The following PTPRA variants were observed in gnomAD, a reference collection of about 807,000 sequenced individuals.
PTPRA encodes protein tyrosine phosphatase receptor type A.
PTPRA carries 25 observed loss-of-function variants against 104.8 expected under a neutral mutation model. The observed-to-expected ratio is 0.24, with a 90% CI of 0.17 to 0.33. PTPRA has a LOEUF of 0.33. Among genes scored for constraint, PTPRA ranks in the 10% least tolerant of loss-of-function variants. PTPRA has a pLI of 1.00. For missense variants in PTPRA, 765 were observed against 1,015.3 expected, an observed-to-expected ratio of 0.75 and a Z score of 3.35; for synonymous variants, 323 against 368.9, an observed-to-expected ratio of 0.88 and a Z score of 1.43.
chr20:2,972,324 C>T lies in PTPRA; in HGVS notation c.416-2891C>T, dbSNP rs539212306. ...AGACTTAAGCAAACCCCACCTCAGA[C>T]TTCTGAGTAGCTAAGGACTATAGGC... is the stretch of plus-strand genomic sequence containing the variant. On this transcript the variant is annotated intron_variant, in intron 5 of 23. Transcript: ENST00000399903. Among the ~76,000 whole-genome samples the T allele has an allele frequency of 2.7e-3, 415 of 152,274 alleles. 2 individuals carry two copies. Among genetic ancestry groups the T allele is most frequent in the African/African-American group, 9.4e-3 (391 of 41,558 alleles).
intron 2 of PTPRA, among the ~76,000 whole-genome samples, chr20:2,941,705 C>T (rs1481772071): frequency 1.3e-5 from 2 of 152,188 alleles, no homozygotes; most frequent in African/African-American, 2.4e-5. Flanking sequence ...ACCTGCTCCC[C>T]CTTACTCTTT....
chr20:3,021,147 A>G (rs1279896679), intron 13 of PTPRA, among the ~76,000 whole-genome samples, 162 bp from the exon 14 acceptor site: 1 of 152,264 alleles, frequency 6.6e-6, no homozygotes, highest in Non-Finnish European at 1.5e-5. Flanking sequence ...GAAAAGGGCA[A>G]ATTTGAATAA....
chr20:2,989,069 T>C (rs2063029574), intron 9 of PTPRA, among the ~76,000 whole-genome samples: 1 of 152,200 alleles, frequency 6.6e-6, no homozygotes, highest in Non-Finnish European at 1.5e-5. Flanking sequence ...TTTTTATAAT[T>C]CCCACAAGGA....
chr20:2,872,157 G>A (rs1313781084), upstream of PTPRA, among the ~76,000 whole-genome samples: 2 of 151,884 alleles, frequency 1.3e-5, no homozygotes, highest in East Asian at 4.0e-4. The surrounding 1 kb of genome is among the most constrained non-coding windows in gnomAD (Gnocchi z 7.9). Context: ...GGAGGAGTGG[G>A]GCACAGAGTC....
intron 9 of PTPRA, among the ~76,000 whole-genome samples, chr20:3,002,438 T>C (rs777395828): frequency 5.3e-5 from 8 of 150,912 alleles, no homozygotes; most frequent in Non-Finnish European, 1.2e-4. Flanking sequence ...GCAGTTCTCC[T>C]ACCTCAGCCT....
chr20:2,866,872 T>C, the PTPRA span: 2 of 384,290 alleles, frequency 5.2e-6, no homozygotes, highest in Non-Finnish European at 9.5e-6. Context: ...GCAAGAAACG[T>C]GTCCTCTCCA....
intron 6 of PTPRA, among the ~76,000 whole-genome samples, chr20:2,984,979 G>C (rs933731515): frequency 3.9e-5 from 6 of 152,114 alleles, no homozygotes; most frequent in Non-Finnish European, 7.4e-5. Context: ...ACTTGTCCCT[G>C]TCTAAAATTA....
chr20:3,034,233 T>C (rs960785142), intron 20 of PTPRA, among the ~76,000 whole-genome samples: 1 of 152,040 alleles, frequency 6.6e-6, no homozygotes, highest in Admixed American at 6.6e-5. Context: ...ATCATGCCAC[T>C]GCACTCCAGC....
At chr20:2,900,625 G>GACT (rs1176928929) in intron 1 of PTPRA, among the ~76,000 whole-genome samples, 2 of 152,076 alleles carry the variant, frequency 1.3e-5, no homozygotes, top group African/African-American at 2.4e-5. Context: ...GGAGGCCGGG[G>GACT]CGGGTGGATC....
intron 5 of PTPRA, among the ~76,000 whole-genome samples, chr20:2,970,805 C>CGTGT (rs10616041): frequency 1.8e-4 from 27 of 149,722 alleles, no homozygotes; most frequent in South Asian, 2.1e-4. Flanking sequence ...TCTATGGTTT[C>CGTGT]GTGTGTGTGT....
chr20:2,980,280 A>C (rs988121636), intron 6 of PTPRA, among the ~76,000 whole-genome samples: 1 of 151,782 alleles, frequency 6.6e-6, no homozygotes, highest in Non-Finnish European at 1.5e-5. Context: ...AAAAAATATC[A>C]ATGTAGGCTG....
intron 3 of PTPRA, among the ~76,000 whole-genome samples, chr20:2,953,040 C>G (rs1313658888): frequency 6.6e-6 from 1 of 152,076 alleles, no homozygotes. Flanking sequence ...GTTCGAGTTC[C>G]TGCTTTCAAT....
chr20:3,000,733 C>T (rs568685654), intron 9 of PTPRA, among the ~76,000 whole-genome samples: 2 of 152,208 alleles, frequency 1.3e-5, no homozygotes, highest in South Asian at 2.1e-4. Context: ...ATCTTAGGAA[C>T]GTAATGTTGA....
At chr20:2,873,299 G>A (rs946965387), upstream of PTPRA, 4 of 152,236 alleles carry the variant, frequency 2.6e-5, no homozygotes, top group South Asian at 4.1e-4. This position sits in a 1 kb window ranked among gnomAD's most constrained non-coding sequence, Gnocchi z 4.4. Flanking sequence ...GGGCAGCCCC[G>A]GGGCGAACCC....
chr20:3,018,201 G>GT (rs1033401252), intron 13 of PTPRA, among the ~76,000 whole-genome samples: 3 of 151,936 alleles, frequency 2.0e-5, no homozygotes, highest in Non-Finnish European at 4.4e-5. Flanking sequence ...CCACAGAGGG[G>GT]TTTTTTTTGT....
chr20:3,032,563 C>T (rs370192843), intron 20 of PTPRA, among the ~76,000 whole-genome samples: 28 of 150,038 alleles, frequency 1.9e-4, no homozygotes, highest in African/African-American at 4.4e-4. Flanking sequence ...GTCAGGAGAT[C>T]GAGACCAGCC....
intron 1 of PTPRA, among the ~76,000 whole-genome samples, chr20:2,883,040 A>G (rs1019894603): frequency 6.3e-5 from 9 of 142,690 alleles, no homozygotes; most frequent in South Asian, 4.4e-4. Flanking sequence ...GCTGGAGCGC[A>G]GTGGCATGAT....
At chr20:2,975,388 A>C in intron 6 of PTPRA, 147 bp downstream of exon 6, 6 of 610,690 alleles carry the variant, frequency 9.8e-6, no homozygotes, top group East Asian at 3.2e-5. Flanking sequence ...TGTTAATCTC[A>C]TGGAGAAGAG....
chr20:2,995,958 C>T (rs933093600), intron 9 of PTPRA, among the ~76,000 whole-genome samples: 2 of 152,192 alleles, frequency 1.3e-5, no homozygotes, highest in African/African-American at 2.4e-5. Flanking sequence ...AGTAGTTGTG[C>T]AGCTATGAAC....
Sources: allele counts gnomAD v4.1 joint callset (sites outside exome capture counted in the v4.1 genomes callset), GRCh38; gene constraint gnomAD v4.1.1; non-coding constraint Gnocchi (gnomAD v3.1); transcripts MANE v1.5; gene names NCBI Gene and HGNC (gene_info 2026-07-23, HGNC 2026-07-21).